Variants in MYT1L observed in about 807,000 individuals in gnomAD.
The protein encoded by MYT1L is myelin transcription factor 1-like protein.
In MYT1L, 12 loss-of-function variants were observed where a neutral mutation model predicts 126.7. The observed-to-expected ratio is 0.09, with a 90% confidence interval of 0.06 to 0.15. The LOEUF (loss-of-function observed/expected upper bound fraction) is 0.15, where lower values mean the gene tolerates loss of function less well. Among genes scored for constraint, MYT1L ranks in the 10% least tolerant of loss-of-function variants. The pLI is 1.00. For missense variants in MYT1L, 979 were observed against 1,585.2 expected (o/e 0.62, Z 6.49); for synonymous variants, 541 against 604.2 (o/e 0.90, Z 1.53).
intron 3 of MYT1L, among the ~76,000 whole-genome samples, chr2:2,170,513 C>A (rs2089874503): frequency 6.6e-6 from 1 of 152,136 alleles, no homozygotes. Context: ...TCTGGTTCTA[C>A]AAAAAAATGT....
intron 3 of MYT1L, among the ~76,000 whole-genome samples, chr2:2,061,096 G>A (rs931652630): frequency 6.6e-6 from 1 of 152,190 alleles, no homozygotes; most frequent in African/African-American, 2.4e-5. Flanking sequence ...TAATAGACGT[G>A]ACTTAGAGAG....
intron 3 of MYT1L, among the ~76,000 whole-genome samples, chr2:2,140,432 C>CTTTTTTTTTTTTTTTTTTTTTTT (rs35297300): frequency 2.1e-4 from 24 of 112,938 alleles, no homozygotes; most frequent in East Asian, 4.9e-4. Context: ...CTTTCTTTTT[C>CTTTTTTTTTTTTTTTTTTTTTTT]TTTTTTTTTT....
intron 4 of MYT1L, among the ~76,000 whole-genome samples, chr2:2,015,474 A>G (rs2064282426): frequency 6.6e-6 from 1 of 152,104 alleles, no homozygotes; most frequent in East Asian, 1.9e-4. Flanking sequence ...CCATGCCTGC[A>G]CCTTCTGGGC....
intron 10 of MYT1L, among the ~76,000 whole-genome samples, chr2:1,920,388 C>T (rs909050054): frequency 6.6e-6 from 1 of 152,166 alleles, no homozygotes; most frequent in African/African-American, 2.4e-5. Context: ...AAGAAGCCAC[C>T]GCAACACAGA....
rs558017234 is a variant in MYT1L at position 2,277,488 on chromosome 2, A to G, written c.-421+6916T>C. Reference sequence around the variant, plus strand: ...GACTGCACACAGGTGCATCATGGCCAGAACAGAGGGAACAGTCAAAACCCA... The same window carrying G: ...GACTGCACACAGGTGCATCATGGCCGGAACAGAGGGAACAGTCAAAACCCA... On this transcript the variant is annotated intron_variant, in intron 2 of 24. Transcript: ENST00000647738. 5.9e-5 allele frequency among the ~76,000 whole-genome samples: 9 copies of G among 152,358 alleles called. No homozygotes were observed. In the South Asian group the frequency reaches 1.9e-3, roughly 32 times the overall value.
At chr2:1,864,612 T>A (rs1357963013) in intron 18 of MYT1L, among the ~76,000 whole-genome samples, 2 of 152,194 alleles carry the variant, frequency 1.3e-5, no homozygotes, top group Non-Finnish European at 2.9e-5. Context: ...GTCTCTGTGT[T>A]CAGGCATCTC....
At chr2:2,107,119 C>T (rs2078848740) in intron 3 of MYT1L, among the ~76,000 whole-genome samples, 2 of 152,192 alleles carry the variant, frequency 1.3e-5, no homozygotes, top group Non-Finnish European at 2.9e-5. Context: ...GGACCTGGCA[C>T]ACAGTTCAGA....
At chr2:1,934,044 G>A (rs1174694415) in intron 9 of MYT1L, among the ~76,000 whole-genome samples, 4 of 143,392 alleles carry the variant, frequency 2.8e-5, no homozygotes, top group Non-Finnish European at 4.5e-5. Flanking sequence ...GTGCGATCTC[G>A]GCTCACTGCA....
At chr2:1,824,005 C>T (rs567039596) in intron 21 of MYT1L, among the ~76,000 whole-genome samples, 10 of 152,190 alleles carry the variant, frequency 6.6e-5, no homozygotes, top group Non-Finnish European at 1.2e-4. Context: ...GCCTCCCCCC[C>T]CAGCGGGGCC....
At chr2:2,137,911 A>C (rs950177432) in intron 3 of MYT1L, among the ~76,000 whole-genome samples, 2 of 152,134 alleles carry the variant, frequency 1.3e-5, no homozygotes, top group Admixed American at 6.5e-5. Context: ...CAACCCACAA[A>C]ATGGGAGAAA....
intron 1 of MYT1L, among the ~76,000 whole-genome samples, chr2:2,307,709 G>A (rs2095877236): frequency 6.6e-6 from 1 of 151,056 alleles, no homozygotes; most frequent in African/African-American, 2.4e-5. Flanking sequence ...CTCCACCCAT[G>A]TTTCAGTACA....
chr2:2,058,306 T>C (rs1395675623), intron 3 of MYT1L, among the ~76,000 whole-genome samples: 1 of 152,276 alleles, frequency 6.6e-6, no homozygotes, highest in Non-Finnish European at 1.5e-5. Context: ...GATTTCATTG[T>C]ATATTCTAGA....
At chr2:2,012,982 G>C (rs2063985062) in intron 4 of MYT1L, among the ~76,000 whole-genome samples, 1 of 152,164 alleles carries the variant, frequency 6.6e-6, no homozygotes, top group Non-Finnish European at 1.5e-5. Flanking sequence ...AAATATGTGT[G>C]TATGTGAAAA....
rs551852133 is a variant in MYT1L, at chr2:2,137,241, T to A, written c.-304+35631A>T. On this transcript the variant is annotated intron_variant, in intron 3 of 24. Coordinates refer to ENST00000647738, the MANE Select transcript of MYT1L (RefSeq NM_001303052.2). ...CATGCTCATGGGTGGGAAGAATCAATATCGTGAAAATGGCCATACTGCCCA... is the reference window on the plus strand; with the variant it reads ...CATGCTCATGGGTGGGAAGAATCAAAATCGTGAAAATGGCCATACTGCCCA... Among the ~76,000 whole-genome samples, 11 of 152,210 alleles carry A rather than the reference T, an allele frequency of 7.2e-5. No individual in the cohort carries two copies. The East Asian group carries it at 1.7e-3, about 24-fold the overall frequency.
At chr2:1,934,775 C>G (rs2055621321) in intron 9 of MYT1L, among the ~76,000 whole-genome samples, 1 of 150,788 alleles carries the variant, frequency 6.6e-6, no homozygotes, top group Non-Finnish European at 1.5e-5. Flanking sequence ...CACACAGGCA[C>G]AGGTCAAAGA....
intron 4 of MYT1L, among the ~76,000 whole-genome samples, chr2:2,041,807 T>G (rs2067579145): frequency 6.6e-6 from 1 of 152,216 alleles, no homozygotes; most frequent in Admixed American, 6.5e-5. Flanking sequence ...AAATCTTTAA[T>G]AACAACCATC....
chr2:1,914,999 G>A (rs762259301), intron 11 of MYT1L, among the ~76,000 whole-genome samples: 6 of 152,042 alleles, frequency 3.9e-5, no homozygotes, highest in Non-Finnish European at 8.8e-5. Flanking sequence ...AGACCATGCT[G>A]TGGAGTCCCC....
rs747517326 is a variant in MYT1L, at chr2:1,922,818, C to T, written c.951G>A (p.Glu317=). ...NNGLMEKMVE[E]SDEEVCLSSL... ...TGCTCAGACACACCTCCTCATCGCT[C>T]TCCTCCACCATCTTTTCCATGAGTC... The change falls in exon 10 of 25, where the codon GAG becomes GAA. Residue 317 remains glutamate (E), a synonymous_variant. Coordinates refer to ENST00000647738, the MANE Select transcript of MYT1L (RefSeq NM_001303052.2). The surrounding 1 kb of genome is among the most constrained non-coding windows in gnomAD (Gnocchi z 7.4). The T allele has an allele frequency of 1.2e-6, 2 of 1,614,026 alleles. No individual in the cohort carries two copies. Among genetic ancestry groups the T allele is most frequent in the South Asian group, 1.1e-5 (1 of 91,076 alleles).
At chr2:1,984,052 T>C (rs183284131) in intron 5 of MYT1L, among the ~76,000 whole-genome samples, 212 of 152,330 alleles carry the variant, frequency 1.4e-3, no homozygotes, top group Non-Finnish European at 2.7e-3. Context: ...CCAATAAAGC[T>C]GTCAGGAGTG....
Sources: allele counts gnomAD v4.1 joint callset (sites outside exome capture counted in the v4.1 genomes callset), GRCh38; gene constraint gnomAD v4.1.1; non-coding constraint Gnocchi (gnomAD v3.1); transcripts MANE v1.5; gene names NCBI Gene and HGNC (gene_info 2026-07-23, HGNC 2026-07-21).